The following DBT variants were observed in gnomAD, a reference collection of about 807,000 sequenced individuals.
DBT encodes the protein dihydrolipoamide branched chain transacylase E2.
In DBT, 40 loss-of-function variants were observed where a neutral mutation model predicts 51.3. The observed-to-expected ratio is 0.78, with a 90% CI of 0.61 to 1.02. DBT has a LOEUF of 1.02. Among genes scored for constraint, DBT ranks in the 50% least tolerant of loss-of-function variants. The probability of loss-of-function intolerance (pLI) is 0.00; values close to 1 mark genes in which losing one functional copy is unlikely to be tolerated. For synonymous variants in DBT, 181 were observed against 190.4 expected, an observed-to-expected ratio of 0.95 and a Z score of 0.41; for missense variants, 510 against 580.2, an observed-to-expected ratio of 0.88 and a Z score of 1.24.
chr1:100,219,772 A>G (rs1662742615), intron 4 of DBT, among the ~76,000 whole-genome samples: 1 of 152,198 alleles, frequency 6.6e-6, no homozygotes, highest in South Asian at 2.1e-4. Flanking sequence ...CAAGAATCAT[A>G]TAAAATCTAT....
At chr1:100,233,822 G>T (rs1039376046) in intron 3 of DBT, among the ~76,000 whole-genome samples, 3 of 151,954 alleles carry the variant, frequency 2.0e-5, no homozygotes, top group Admixed American at 2.0e-4. Flanking sequence ...AAAGGTAGAG[G>T]AGAACAAAGG....
chr1:100,209,163 T>C (rs534688082), intron 8 of DBT, among the ~76,000 whole-genome samples: 4 of 151,090 alleles, frequency 2.6e-5, no homozygotes, highest in Admixed American at 2.6e-4. Flanking sequence ...AGTGGCATGA[T>C]CACAACTCAC....
chr1:100,243,175 T>A (rs1467440080), intron 1 of DBT, among the ~76,000 whole-genome samples: 1 of 143,712 alleles, frequency 7.0e-6, no homozygotes. Flanking sequence ...GGCACAAGAA[T>A]CACTTGAACC....
intron 3 of DBT, among the ~76,000 whole-genome samples, chr1:100,232,435 T>C (rs1424360936): frequency 6.6e-6 from 1 of 152,146 alleles, no homozygotes; most frequent in African/African-American, 2.4e-5. Context: ...CCACCACACC[T>C]GGCCACATCT....
rs193012505 is a variant in DBT at position 100,243,809 on chromosome 1, C to T, written c.52-2925G>A. 2.7e-3 allele frequency among the ~76,000 whole-genome samples: 409 copies of T among 151,950 alleles called. 3 individuals carry two copies. Among genetic ancestry groups the T allele is most frequent in the Middle Eastern group, 0.014 (4 of 294 alleles). On this transcript the variant is annotated intron_variant, in intron 1 of 10. Transcript: ENST00000370132. Reference sequence around the variant, plus strand: ...ACCCTAGAAATAGGAGAAATAATCCCTAATTTCAAAGAGTTTACAACGTAT... The same window carrying T: ...ACCCTAGAAATAGGAGAAATAATCCTTAATTTCAAAGAGTTTACAACGTAT...
At chr1:100,200,544 G>A (rs1008045346) in intron 10 of DBT, among the ~76,000 whole-genome samples, 3 of 152,194 alleles carry the variant, frequency 2.0e-5, no homozygotes, top group Non-Finnish European at 4.4e-5. Context: ...CCAGCATAGC[G>A]CTTGAGCTCT....
chr1:100,216,326 C>T (rs1383792303), intron 5 of DBT, 127 bp from the exon 6 acceptor site: 9 of 720,710 alleles, frequency 1.2e-5, no homozygotes, highest in Non-Finnish European at 1.9e-5. Flanking sequence ...AGGAAATAAC[C>T]TTTTCATTTT....
intron 4 of DBT, among the ~76,000 whole-genome samples, chr1:100,221,949 T>C (rs777815757): frequency 1.3e-5 from 2 of 152,214 alleles, no homozygotes; most frequent in African/African-American, 2.4e-5. Flanking sequence ...AAAAATGCTT[T>C]GAAATACTAA....
intron 4 of DBT, among the ~76,000 whole-genome samples, chr1:100,224,407 T>C (rs1431444330): frequency 2.6e-5 from 4 of 152,228 alleles, no homozygotes; most frequent in Non-Finnish European, 5.9e-5. Flanking sequence ...TTAAGCTGAA[T>C]TTAATTTCTA....
At chr1:100,209,874 C>T (rs1174385666) in intron 8 of DBT, among the ~76,000 whole-genome samples, 2 of 152,026 alleles carry the variant, frequency 1.3e-5, no homozygotes, top group African/African-American at 2.4e-5. Context: ...TGGTTGTGCA[C>T]TTCTAATGAT....
intron 1 of DBT, among the ~76,000 whole-genome samples, chr1:100,248,695 A>T (rs1347995621): frequency 6.6e-6 from 1 of 152,252 alleles, no homozygotes; most frequent in Non-Finnish European, 1.5e-5. Flanking sequence ...AGAAAACAAG[A>T]ATGGAAAGCT....
At position 100,192,857 on chromosome 1, in the gene DBT, A is replaced by C. The variant is rs1369576432; in HGVS notation, c.*3398T>G. 3 of 152,202 alleles carry C rather than the reference A, an allele frequency of 2.0e-5. No individual in the cohort carries two copies. Among genetic ancestry groups the C allele is most frequent in the Admixed American group, 2.0e-4 (3 of 15,276 alleles). 9.4% of individuals were successfully genotyped at this position (152,202 alleles called of 1,614,324 possible). On this transcript the variant is annotated 3_prime_UTR_variant, in exon 11 of 11. Transcript: ENST00000370132. ...AATAATTTTGGCTTCTCCCCCATGT[A>C]CATATACCTTCTAATCTCCAGACAT...
Position 100,196,426 on chromosome 1 carries a change from GAAATGA to G in DBT, c.1282-10_1282-5del, listed in dbSNP as rs1661095452. 1.8e-6 allele frequency: 1 copy of G among 555,512 alleles called. No individual in the cohort carries two copies. Among genetic ancestry groups the G allele is most frequent in the Admixed American group, 6.3e-5 (1 of 15,778 alleles). 34.4% of individuals were successfully genotyped at this position (555,512 alleles called of 1,614,324 possible). A position where few individuals can be genotyped will look rare whatever the true frequency, so the allele number is the denominator to read the frequency against. ...TCTGGTTAAATCGGGGAATGGCCTA[GAAATGA>G]AAAAAAAAAAAAAAAAAAAAAAAAA... On this transcript the variant is annotated splice_region_variant and splice_polypyrimidine_tract_variant and intron_variant, in intron 10 of 10. Transcript: ENST00000370132.
At chr1:100,219,063 G>A (rs1167396258) in intron 4 of DBT, among the ~76,000 whole-genome samples, 1 of 152,066 alleles carries the variant, frequency 6.6e-6, no homozygotes, top group African/African-American at 2.4e-5. Flanking sequence ...ATTTTAAAAT[G>A]TGTTGTGGCT....
At chr1:100,204,179 G>A (rs145877865) in intron 10 of DBT, among the ~76,000 whole-genome samples, 210 of 152,308 alleles carry the variant, frequency 1.4e-3, no homozygotes, top group African/African-American at 4.9e-3. Flanking sequence ...GTCTGCAGAT[G>A]ACATGATTGT....
rs545583015 is a variant in DBT at position 100,223,976 on chromosome 1, G to A, written c.434-5229C>T. Among the ~76,000 whole-genome samples the A allele has an allele frequency of 4.6e-5, 7 of 151,814 alleles. No homozygotes were observed. In the South Asian group the frequency reaches 1.2e-3, roughly 27 times the overall value. ...AAGTAGAGGTCTGTTACAGTCAAAG[G>A]ACTCATAGATAGGACTTGGAGGTCA... On this transcript the variant is annotated intron_variant, in intron 4 of 10. Transcript: ENST00000370132.
Position 100,189,630 on chromosome 1 carries a change from G to GC in DBT, c.*6624dup, listed in dbSNP as rs1423401230. The GC allele has an allele frequency of 6.6e-5, 10 of 152,202 alleles. No individual in the cohort carries two copies. Among genetic ancestry groups the GC allele is most frequent in the Non-Finnish European group, 1.2e-4 (8 of 68,064 alleles). The allele number at this position is 152,202 out of a possible 1,614,324, so 9.4% of individuals were successfully genotyped here. A position where few individuals can be genotyped will look rare whatever the true frequency, so the allele number is the denominator to read the frequency against. On this transcript the variant is annotated 3_prime_UTR_variant, in exon 11 of 11. Coordinates refer to ENST00000370132, the MANE Select transcript of DBT (RefSeq NM_001918.5). ...AGCACTGGGGAAAAAAGCCAGGATT[G>GC]CAAGGAGTTAAAGATCACCCATTCA...
At chr1:100,249,378 C>A in intron 1 of DBT, 1 of 348,420 alleles carries the variant, frequency 2.9e-6, no homozygotes, top group Non-Finnish European at 5.6e-6. Flanking sequence ...ACTGTAGATT[C>A]CTTGAGGGTA....
intron 7 of DBT, 60 bp downstream of exon 7, chr1:100,214,754 CAAA>C: frequency 5.8e-6 from 9 of 1,563,542 alleles, no homozygotes; most frequent in Non-Finnish European, 7.0e-6. Flanking sequence ...AACTCTGTCT[CAAA>C]AAGACAAACA....
Sources: allele counts gnomAD v4.1 joint callset (sites outside exome capture counted in the v4.1 genomes callset), GRCh38; gene constraint gnomAD v4.1.1; transcripts MANE v1.5; gene names NCBI Gene and HGNC (gene_info 2026-07-23, HGNC 2026-07-21).